SUN3: variants seen among roughly 807,000 people sequenced by gnomAD.
The protein encoded by SUN3 is Sad1 and UNC84 domain containing 3.
A neutral mutation model predicts 48.2 loss-of-function variants in SUN3; 36 were observed. That is an observed-to-expected ratio of 0.75 (90% CI 0.57 to 0.99). The LOEUF is 0.99. Ranked by LOEUF, SUN3 falls within the 50% of genes least tolerant of loss-of-function variation. SUN3 has a pLI of 0.00. For synonymous variants in SUN3, 148 were observed against 147.9 expected, an observed-to-expected ratio of 1.00 and a Z score of 0.00; for missense variants, 419 against 433.1, an observed-to-expected ratio of 0.97 and a Z score of 0.29.
At chr7:48,008,943 G>T in intron 4 of SUN3, 92 bp downstream of exon 4, 1 of 1,209,114 alleles carries the variant, frequency 8.3e-7, no homozygotes, top group Non-Finnish European at 1.2e-6. Context: ...ATTTCAGGGA[G>T]TAACTTTTCT....
upstream of SUN3, among the ~76,000 whole-genome samples, chr7:48,030,046 C>G (rs889416143): frequency 2.0e-5 from 3 of 152,154 alleles, no homozygotes; most frequent in African/African-American, 7.2e-5. Context: ...CAGTTCTGGA[C>G]TATTTTTCAG....
At chr7:47,988,643 G>C (rs976215727) in intron 9 of SUN3, 145 bp downstream of exon 9, 2 of 453,046 alleles carry the variant, frequency 4.4e-6, no homozygotes, top group East Asian at 6.7e-5. Flanking sequence ...TAAGCACTTC[G>C]AGCTCAGAAT....
At chr7:48,012,535 G>A (rs80302477) in intron 3 of SUN3, among the ~76,000 whole-genome samples, 4,088 of 151,914 alleles carry the variant, frequency 0.027, 172 homozygotes, top group African/African-American at 0.093. Flanking sequence ...TTCTCAATGA[G>A]GTCCCATAAG....
intron 8 of SUN3, among the ~76,000 whole-genome samples, chr7:47,992,417 G>A (rs1034990810): frequency 4.1e-4 from 63 of 152,112 alleles, no homozygotes; most frequent in African/African-American, 1.5e-3. Flanking sequence ...CTCTAAAAAA[G>A]GGAATATGTA....
At position 47,987,829 on chromosome 7, in the gene SUN3, T is replaced by G. The variant is rs531277253; in HGVS notation, c.955-380A>C. ...GATTACAGGTGTAAGCCACCACGCC[T>G]GGCCTATATACTTTTTCTTTTCTAA... is the stretch of plus-strand genomic sequence containing the variant. On this transcript the variant is annotated intron_variant, in intron 9 of 9. Transcript: ENST00000297325. Among the ~76,000 whole-genome samples, 3 of 152,338 alleles carry G rather than the reference T, an allele frequency of 2.0e-5. No homozygotes were observed. The South Asian group carries it at 6.2e-4, about 32-fold the overall frequency.
intron 6 of SUN3, among the ~76,000 whole-genome samples, chr7:48,005,305 AC>A (rs1789494236): frequency 2.0e-5 from 3 of 152,182 alleles, no homozygotes; most frequent in Admixed American, 2.0e-4. Context: ...TGCTCACAAG[AC>A]TGAGTAATCA....
At chr7:48,007,466 C>T (rs1011363106) in intron 4 of SUN3, 139 bp from the exon 5 acceptor site, 6 of 735,404 alleles carry the variant, frequency 8.2e-6, no homozygotes, top group Non-Finnish European at 1.3e-5. Context: ...AAGAGCAGAG[C>T]ATGCCCATTT....
At chr7:48,030,029 G>A (rs1055026650), upstream of SUN3, among the ~76,000 whole-genome samples, 7 of 152,076 alleles carry the variant, frequency 4.6e-5, no homozygotes, top group Non-Finnish European at 7.4e-5. Flanking sequence ...GTACTTGTGT[G>A]TTTTTTCAGT....
rs1193415803 is a variant in SUN3, at chr7:47,988,895, A to C, written c.862-15T>G. ...TTTGTGATGCCCTATAAAGAAAGCA[A>C]CAGATATAGAGATTGTAATGAATGG... On this transcript the variant is annotated splice_polypyrimidine_tract_variant and intron_variant, in intron 8 of 9. Coordinates refer to ENST00000297325, the MANE Select transcript of SUN3 (RefSeq NM_001030019.2). The C allele has an allele frequency of 6.9e-7, 1 of 1,457,554 alleles. No individual in the cohort carries two copies. Among genetic ancestry groups the C allele is most frequent in the Admixed American group, 1.8e-5 (1 of 56,552 alleles). The allele number at this position is 1,457,554 out of a possible 1,614,324, so 90.3% of individuals were successfully genotyped here.
intron 8 of SUN3, among the ~76,000 whole-genome samples, chr7:47,989,483 T>C (rs1404347600): frequency 6.6e-6 from 1 of 152,236 alleles, no homozygotes; most frequent in African/African-American, 2.4e-5. Flanking sequence ...TGTGAGAGGA[T>C]AACGCACTGG....
intron 7 of SUN3, 22 bp downstream of exon 7, chr7:47,996,009 G>A: frequency 7.4e-7 from 1 of 1,347,228 alleles, no homozygotes; most frequent in Non-Finnish European, 1.0e-6. Context: ...ATAGAAATAA[G>A]TGATTCTTAA....
At chr7:48,034,658 G>C in the SUN3 span, among the ~76,000 whole-genome samples, 2 of 152,154 alleles carry the variant, frequency 1.3e-5, no homozygotes, top group Non-Finnish European at 2.9e-5. Context: ...CGCCATAGCT[G>C]TTGGTGTCTA....
Position 47,988,840 on chromosome 7 carries a change from C to G in SUN3, c.902G>C (p.Gly301Ala). The G allele has an allele frequency of 1.2e-6, 2 of 1,606,300 alleles. No individual in the cohort carries two copies. The highest frequency in any genetic ancestry group is 1.7e-6 in the Non-Finnish European group (2 of 1,175,704). ...TCCTGTTTTGTTATATATAAACTGA[C>G]CTAGGAAAATTTCTTCTCCTTCACA... ...KKCEGEEIFL[G>A]QFIYNKTGTT... The change falls in exon 9 of 10, where the codon GGT becomes GCT. Residue 301 changes from glycine to alanine, a missense_variant. Physicochemically the swap from Gly to Ala is moderately conservative, Grantham distance 60. Coordinates refer to ENST00000297325, the MANE Select transcript of SUN3 (RefSeq NM_001030019.2).
chr7:48,022,527 C>T (rs1246442707), intron 2 of SUN3, among the ~76,000 whole-genome samples: 1 of 151,802 alleles, frequency 6.6e-6, no homozygotes. Flanking sequence ...ATCTCAGGTA[C>T]CCCATAAGTA....
At chr7:47,995,776 C>T (rs1382219302) in intron 7 of SUN3, among the ~76,000 whole-genome samples, 1 of 152,090 alleles carries the variant, frequency 6.6e-6, no homozygotes, top group African/African-American at 2.4e-5. Context: ...ATATGTTTTA[C>T]TTGAAAATAA....
the SUN3 span, among the ~76,000 whole-genome samples, chr7:48,035,068 G>T: frequency 2.6e-5 from 4 of 152,058 alleles, no homozygotes; most frequent in African/African-American, 9.7e-5. This position sits in a 1 kb window ranked among gnomAD's most constrained non-coding sequence, Gnocchi z 4.0. Flanking sequence ...TTCTTTTTAT[G>T]TTTTATTTTT....
chr7:48,005,013 G>C (rs562691916), intron 6 of SUN3, among the ~76,000 whole-genome samples: 4 of 152,190 alleles, frequency 2.6e-5, no homozygotes, highest in Admixed American at 1.3e-4. Flanking sequence ...AGAGAAGCCC[G>C]AGCATTTCCT....
chr7:47,995,177 ATAG>A (rs1379812575), intron 7 of SUN3, among the ~76,000 whole-genome samples: 1 of 145,234 alleles, frequency 6.9e-6, no homozygotes, highest in Non-Finnish European at 1.5e-5. Context: ...GGTGACAGTG[ATAG>A]TGGTGGTGGT....
At chr7:48,026,570 C>T (rs1375587085) in intron 1 of SUN3, among the ~76,000 whole-genome samples, 1 of 133,478 alleles carries the variant, frequency 7.5e-6, no homozygotes, top group Non-Finnish European at 1.6e-5. Context: ...CTGAATTGCA[C>T]CCCACCCCCC....
Sources: gnomAD v4.1 joint callset for allele counts (sites outside exome capture counted in the v4.1 genomes callset) on GRCh38, gnomAD v4.1.1 for gene constraint, Gnocchi (gnomAD v3.1) non-coding constraint, MANE v1.5 for transcripts, NCBI Gene and HGNC (gene_info 2026-07-23, HGNC 2026-07-21) for gene names.